WIPF3: variants seen among roughly 807,000 people sequenced by gnomAD.
The protein encoded by WIPF3 is WAS/WASL interacting protein family member 3, also known as WAS/WASL-interacting protein family member 3.
A neutral mutation model predicts 38.9 loss-of-function variants in WIPF3; 33 were observed. The observed-to-expected ratio is 0.85, with a 90% CI of 0.64 to 1.14. The LOEUF is 1.14. Ranked by LOEUF, WIPF3 falls within the 50% of genes most tolerant of loss-of-function variation. WIPF3 has a pLI of 0.00. For missense variants in WIPF3, 711 were observed against 652.5 expected, an observed-to-expected ratio of 1.09 and a Z score of -0.98; for synonymous variants, 324 against 269.3, an observed-to-expected ratio of 1.20 and a Z score of -1.99.
rs373831584 is a variant in WIPF3, at chr7:29,904,255, T to C, written c.1352-31T>C. ...CATGCACACCCGGTCCCTGGGCCAA[T>C]AGATAATGAGATTGTTCTTTTTTCC... On this transcript the variant is annotated intron_variant, in intron 7 of 8. Transcript: ENST00000242140. The C allele has an allele frequency of 3.1e-6, 5 of 1,610,996 alleles. No homozygotes were observed. The African/African-American group carries it at 5.3e-5, about 17-fold the overall frequency.
At chr7:29,891,474 T>C (rs1786020786) in intron 7 of WIPF3, among the ~76,000 whole-genome samples, 2 of 152,196 alleles carry the variant, frequency 1.3e-5, no homozygotes, top group Non-Finnish European at 2.9e-5. Flanking sequence ...GTGTGCCCTT[T>C]CTAATAAAAT....
At chr7:29,901,542 A>C (rs944324341) in intron 7 of WIPF3, among the ~76,000 whole-genome samples, 3 of 151,910 alleles carry the variant, frequency 2.0e-5, no homozygotes, top group African/African-American at 7.3e-5. Context: ...TATAATCCCG[A>C]CACTTTGGGA....
chr7:29,818,375 C>T (rs914189586), intron 1 of WIPF3, among the ~76,000 whole-genome samples: 64 of 152,026 alleles, frequency 4.2e-4, no homozygotes, highest in African/African-American at 1.4e-3. Flanking sequence ...ATCGCTTGAA[C>T]CTGGGAGATG....
intron 8 of WIPF3, chr7:29,904,567 T>C (rs929774931): frequency 5.2e-6 from 3 of 572,490 alleles, no homozygotes; most frequent in Non-Finnish European, 6.2e-6. Context: ...AAAGGGGGCT[T>C]CCCTGGAATC....
intron 1 of WIPF3, among the ~76,000 whole-genome samples, chr7:29,816,298 T>TTTATTA (rs1018171140): frequency 3.3e-5 from 5 of 151,752 alleles, no homozygotes; most frequent in Non-Finnish European, 7.4e-5. Context: ...TACTCGTTCT[T>TTTATTA]TTATTATTAT....
intron 2 of WIPF3, among the ~76,000 whole-genome samples, chr7:29,867,543 G>T (rs1785409109): frequency 6.8e-6 from 1 of 146,532 alleles, no homozygotes; most frequent in Non-Finnish European, 1.5e-5. Context: ...TCCTGGCTCT[G>T]CCCCCGCCCC....
Position 29,861,058 on chromosome 7 carries a change from C to G in WIPF3, c.91-14772C>G, listed in dbSNP as rs938522864. The stretch of plus-strand genomic sequence containing the variant: ...CAGGCCTGGGGCTGCACACTAAGCT[C>G]GTTCTTAAATGACTTATCTATGTCG... On this transcript the variant is annotated intron_variant, in intron 2 of 8. Transcript: ENST00000242140. Among the ~76,000 whole-genome samples, 35 of 152,106 alleles carry G rather than the reference C, an allele frequency of 2.3e-4. 1 individual carries two copies. The highest frequency in any genetic ancestry group is 4.4e-5 in the Non-Finnish European group (3 of 68,026).
At chr7:29,888,510 C>CGT (rs1295673715) in intron 6 of WIPF3, among the ~76,000 whole-genome samples, 1,699 of 147,898 alleles carry the variant, frequency 0.011, 22 homozygotes, top group African/African-American at 0.034. Flanking sequence ...CGTGTGTGTG[C>CGT]GTGTGTGTGT....
rs559405289 is a variant in WIPF3, at chr7:29,914,415, G to GC, written c.1429-78_1429-77insC. ...AGAAGCTTCGGGGCCCAGCCTGTTT[G>GC]GGGGGGTGGAGGAGGAAGGCTTTCA... is the stretch of plus-strand genomic sequence containing the variant. On this transcript the variant is annotated intron_variant, in intron 8 of 8. Coordinates refer to ENST00000242140, the MANE Select transcript of WIPF3 (RefSeq NM_001080529.3). 42 of 1,124,838 alleles carry GC rather than the reference G, an allele frequency of 3.7e-5. No individual in the cohort carries two copies. In the African/African-American group the frequency reaches 5.7e-4, roughly 15 times the overall value. The allele number at this position is 1,124,838 out of a possible 1,614,324, so 69.7% of individuals were successfully genotyped here.
intron 8 of WIPF3, among the ~76,000 whole-genome samples, chr7:29,913,810 G>C (rs1001436556): frequency 6.6e-6 from 1 of 152,210 alleles, no homozygotes; most frequent in African/African-American, 2.4e-5. Flanking sequence ...CCAGGGACAA[G>C]AATCCTCCTC....
chr7:29,843,899 G>A (rs1197806368), intron 2 of WIPF3, among the ~76,000 whole-genome samples: 1 of 152,094 alleles, frequency 6.6e-6, no homozygotes, highest in African/African-American at 2.4e-5. Flanking sequence ...GGTGAGGAGG[G>A]GTGGCCCATG....
chr7:29,838,927 C>G (rs1281319643), intron 2 of WIPF3, among the ~76,000 whole-genome samples: 3 of 152,014 alleles, frequency 2.0e-5, no homozygotes, highest in Non-Finnish European at 4.4e-5. Context: ...GGAGGAATAG[C>G]CACGTGACAA....
intron 2 of WIPF3, among the ~76,000 whole-genome samples, chr7:29,869,053 G>C (rs1174744655): frequency 6.6e-6 from 1 of 151,072 alleles, no homozygotes; most frequent in Non-Finnish European, 1.5e-5. Flanking sequence ...TTTTGAGATG[G>C]AGTTTCACTC....
chr7:29,869,415 C>T (rs1280625641), intron 2 of WIPF3, among the ~76,000 whole-genome samples: 2 of 152,180 alleles, frequency 1.3e-5, no homozygotes, highest in East Asian at 1.9e-4. Flanking sequence ...TCAAGGGGTT[C>T]GCTTTACTGA....
intron 8 of WIPF3, among the ~76,000 whole-genome samples, chr7:29,908,066 C>T (rs1008723067): frequency 6.6e-6 from 1 of 152,052 alleles, no homozygotes; most frequent in Non-Finnish European, 1.5e-5. Flanking sequence ...CAGAGATTGG[C>T]AGAATGGATT....
rs75322064 is a variant in WIPF3 at position 29,897,649 on chromosome 7, T to G, written c.1352-6637T>G. Among the ~76,000 whole-genome samples the G allele has an allele frequency of 2.1e-4, 32 of 152,326 alleles. No individual in the cohort carries two copies. The East Asian group carries it at 5.6e-3, about 27-fold the overall frequency. Reference sequence around the variant, plus strand: ...GCAATGGAAACTCTCCATTAGGCACTGCAGTAATTTCAACAGTATGGAATA... The same window carrying G: ...GCAATGGAAACTCTCCATTAGGCACGGCAGTAATTTCAACAGTATGGAATA... On this transcript the variant is annotated intron_variant, in intron 7 of 8. Transcript: ENST00000242140.
intron 2 of WIPF3, among the ~76,000 whole-genome samples, chr7:29,836,990 C>CAAAACA (rs574332254): frequency 1.3e-5 from 2 of 150,530 alleles, no homozygotes; most frequent in Non-Finnish European, 3.0e-5. Flanking sequence ...GACTCTGTCT[C>CAAAACA]AAAACAAAAA....
intron 8 of WIPF3, chr7:29,906,228 G>A (rs906995709): frequency 1.3e-5 from 2 of 151,998 alleles, no homozygotes; most frequent in Non-Finnish European, 2.9e-5. Context: ...AAGACCTGAT[G>A]GGAGATCTAC....
chr7:29,811,369 A>G (rs1297318078), intron 1 of WIPF3, among the ~76,000 whole-genome samples: 1 of 152,144 alleles, frequency 6.6e-6, no homozygotes, highest in East Asian at 1.9e-4. Context: ...AAAATAGCAA[A>G]CAACATAAAA....
Sources: allele counts gnomAD v4.1 joint callset (sites outside exome capture counted in the v4.1 genomes callset), GRCh38; gene constraint gnomAD v4.1.1; transcripts MANE v1.5; gene names NCBI Gene and HGNC (gene_info 2026-07-23, HGNC 2026-07-21).